The following LRMDA variants were observed in gnomAD, a reference collection of about 807,000 sequenced individuals.
The protein encoded by LRMDA is leucine-rich melanocyte differentiation-associated protein.
In LRMDA, 18 loss-of-function variants were observed where a neutral mutation model predicts 29.8. The observed-to-expected ratio is 0.60, with a 90% CI of 0.42 to 0.90. LRMDA has a LOEUF of 0.90. LRMDA is among the 40% of genes least tolerant of loss of function. LRMDA has a pLI of 0.00. For missense variants in LRMDA, 273 were observed against 273.9 expected, an observed-to-expected ratio of 1.00 and a Z score of 0.02; for synonymous variants, 125 against 109.4, an observed-to-expected ratio of 1.14 and a Z score of -0.89.
rs1031870501 is a variant in LRMDA at position 75,811,318 on chromosome 10, C to T, written c.132-224690C>T. On this transcript the variant is annotated intron_variant, in intron 2 of 6. Transcript: ENST00000611255. ...GCTGAGGTCTGAACTTTGTAGAGAG[C>T]CTCAGTTGTGGTCATAGCAACATCT... is the stretch of plus-strand genomic sequence containing the variant. 7.9e-5 allele frequency among the ~76,000 whole-genome samples: 12 copies of T among 152,154 alleles called. No homozygotes were observed. The South Asian group carries it at 2.5e-3, about 32-fold the overall frequency.
chr10:75,790,806 G>C (rs1449368552), intron 2 of LRMDA, among the ~76,000 whole-genome samples: 6 of 152,208 alleles, frequency 3.9e-5, no homozygotes, highest in Non-Finnish European at 8.8e-5. Flanking sequence ...TGAGTCTCCT[G>C]AGAAAACTCA....
At chr10:76,094,651 T>C (rs988280753) in intron 5 of LRMDA, among the ~76,000 whole-genome samples, 1 of 152,214 alleles carries the variant, frequency 6.6e-6, no homozygotes, top group African/African-American at 2.4e-5. Context: ...GTCCATGATA[T>C]AAGTACAGGA....
intron 2 of LRMDA, among the ~76,000 whole-genome samples, chr10:75,809,701 C>T (rs756582465): frequency 1.3e-5 from 2 of 152,064 alleles, no homozygotes; most frequent in Non-Finnish European, 2.9e-5. Flanking sequence ...CTTCATGTTC[C>T]AGTGGGAAGG....
At chr10:76,254,023 C>T (rs1421134520) in intron 5 of LRMDA, among the ~76,000 whole-genome samples, 1 of 151,972 alleles carries the variant, frequency 6.6e-6, no homozygotes, top group Admixed American at 6.6e-5. Flanking sequence ...CTTTTTTTAA[C>T]AACCATTTTC....
intron 5 of LRMDA, among the ~76,000 whole-genome samples, chr10:76,090,832 A>T (rs1849219096): frequency 6.6e-6 from 1 of 152,142 alleles, no homozygotes; most frequent in African/African-American, 2.4e-5. Flanking sequence ...AGGGGTCGTG[A>T]GGGGCTGGGA....
At chr10:75,613,681 T>G (rs576371718) in intron 2 of LRMDA, among the ~76,000 whole-genome samples, 5 of 152,296 alleles carry the variant, frequency 3.3e-5, no homozygotes, top group Middle Eastern at 3.4e-3. Context: ...ACCAAACAAT[T>G]TCTCCAGAGC....
At chr10:76,403,874 C>T (rs541991480) in intron 6 of LRMDA, among the ~76,000 whole-genome samples, 35 of 152,162 alleles carry the variant, frequency 2.3e-4, no homozygotes, top group Non-Finnish European at 3.7e-4. Context: ...CCTAGTTTCC[C>T]CCCTGGCCTT....
chr10:76,328,354 G>A (rs572692203), intron 6 of LRMDA, among the ~76,000 whole-genome samples: 14 of 152,232 alleles, frequency 9.2e-5, no homozygotes, highest in African/African-American at 3.4e-4. Context: ...ATGTCTTTTG[G>A]GGAAAACATT....
At chr10:76,096,995 TTTTTATTTTATTTTA>T (rs59018479) in intron 5 of LRMDA, among the ~76,000 whole-genome samples, 4 of 148,062 alleles carry the variant, frequency 2.7e-5, no homozygotes, top group South Asian at 4.3e-4. Flanking sequence ...GTTACTTTTA[TTTTTATTTTATTTTA>T]TTTTATTTTA....
intron 2 of LRMDA, among the ~76,000 whole-genome samples, chr10:75,571,355 G>A (rs1840435558): frequency 6.6e-6 from 1 of 152,168 alleles, no homozygotes; most frequent in African/African-American, 2.4e-5. Flanking sequence ...AACACATTGT[G>A]TGGATTAAGG....
At chr10:75,919,192 G>A (rs899033181) in intron 2 of LRMDA, among the ~76,000 whole-genome samples, 3 of 152,174 alleles carry the variant, frequency 2.0e-5, no homozygotes, top group African/African-American at 7.2e-5. Flanking sequence ...GGGCAGCCTG[G>A]CCTCTGATTC....
chr10:75,645,794 A>G (rs937022185), intron 2 of LRMDA, among the ~76,000 whole-genome samples: 1 of 152,110 alleles, frequency 6.6e-6, no homozygotes, highest in Admixed American at 6.5e-5. Flanking sequence ...AGAATCAGCC[A>G]CTTACAAGAG....
intron 5 of LRMDA, among the ~76,000 whole-genome samples, chr10:76,168,097 A>G (rs1850773419): frequency 6.6e-6 from 1 of 152,170 alleles, no homozygotes; most frequent in African/African-American, 2.4e-5. Flanking sequence ...TGTCCTCAGG[A>G]ATAATCCACC....
Position 75,802,331 on chromosome 10 carries a change from A to ACG in LRMDA, c.132-233673_132-233672dup, listed in dbSNP as rs746546446. On this transcript the variant is annotated intron_variant, in intron 2 of 6. Coordinates refer to ENST00000611255, the MANE Select transcript of LRMDA (RefSeq NM_001305581.2). ...AGACCCTATCTCTAAACACACACAC[A>ACG]CGCGCACACACACACACACACACAC... Among the ~76,000 whole-genome samples, 121 of 112,786 alleles carry ACG rather than the reference A, an allele frequency of 1.1e-3. 1 individual carries two copies. Among genetic ancestry groups the ACG allele is most frequent in the Admixed American group, 2.8e-3 (31 of 11,262 alleles). The allele number at this position is 112,786 out of a possible 152,430, so 74.0% of individuals were successfully genotyped here.
At chr10:75,774,613 A>G (rs1843285986) in intron 2 of LRMDA, among the ~76,000 whole-genome samples, 1 of 152,144 alleles carries the variant, frequency 6.6e-6, no homozygotes, top group Non-Finnish European at 1.5e-5. Context: ...GACAAAGCAT[A>G]TTACCATAAT....
chr10:75,778,056 TC>T (rs564105398), intron 2 of LRMDA, among the ~76,000 whole-genome samples: 16 of 152,218 alleles, frequency 1.1e-4, no homozygotes, highest in African/African-American at 3.1e-4. Flanking sequence ...TAGAGATGAA[TC>T]TTCCCTCTTG....
At chr10:76,394,305 A>G (rs1841757592) in intron 6 of LRMDA, among the ~76,000 whole-genome samples, 1 of 152,202 alleles carries the variant, frequency 6.6e-6, no homozygotes, top group African/African-American at 2.4e-5. Flanking sequence ...AGAGGGCATA[A>G]GGTAATCAAG....
intron 2 of LRMDA, among the ~76,000 whole-genome samples, chr10:75,582,511 A>C (rs1022643212): frequency 1.3e-5 from 2 of 152,128 alleles, no homozygotes; most frequent in African/African-American, 4.8e-5. Flanking sequence ...CAGTGTCCTG[A>C]GGCTGGGCAG....
chr10:76,264,442 A>C (rs1054505252), intron 5 of LRMDA, among the ~76,000 whole-genome samples: 17 of 113,332 alleles, frequency 1.5e-4, no homozygotes, highest in Admixed American at 6.8e-4. Flanking sequence ...AAAAAAAAAA[A>C]AAAAAAAAAA....
Sources: gnomAD v4.1 joint callset for allele counts (sites outside exome capture counted in the v4.1 genomes callset) on GRCh38, gnomAD v4.1.1 for gene constraint, MANE v1.5 for transcripts, NCBI Gene and HGNC (gene_info 2026-07-23, HGNC 2026-07-21) for gene names.